Variants in C13orf42 observed in about 807,000 individuals in gnomAD.
C13orf42 encodes uncharacterized protein C13orf42.
rs570463367 is a variant in C13orf42, at chr13:51,159,116, T to C, written n.136+13137A>G. On this transcript the variant is annotated intron_variant and non_coding_transcript_variant, in intron 1 of 4. Coordinates refer to the C13orf42 transcript ENST00000433280. ...GCAGACTTTTGCCAGTTCTGAGTCA[T>C]TGTGTTTCATATGTTCCCCACCACC... 2.6e-5 allele frequency among the ~76,000 whole-genome samples: 4 copies of C among 152,284 alleles called. No individual in the cohort carries two copies. In the East Asian group the frequency reaches 5.8e-4, roughly 22 times the overall value.
chr13:51,096,291 G>A (rs1235034167), intron 1 of C13orf42, among the ~76,000 whole-genome samples: 1 of 152,092 alleles, frequency 6.6e-6, no homozygotes, highest in Non-Finnish European at 1.5e-5. Context: ...TTGTTAGGAT[G>A]GTGGTGAGAG....
intron 1 of C13orf42, among the ~76,000 whole-genome samples, chr13:51,117,749 T>G (rs1953503715): frequency 6.6e-6 from 1 of 152,220 alleles, no homozygotes; most frequent in East Asian, 1.9e-4. Flanking sequence ...TATTAGAGTA[T>G]CAGTTTGGCT....
At chr13:51,152,217 A>G (rs2138039352) in intron 1 of C13orf42, among the ~76,000 whole-genome samples, 1 of 152,216 alleles carries the variant, frequency 6.6e-6, no homozygotes, top group South Asian at 2.1e-4. Flanking sequence ...AGAACGGTGC[A>G]CTCCAGCTCT....
At chr13:51,087,744 C>T (rs909729431) in intron 2 of C13orf42, among the ~76,000 whole-genome samples, 184 bp downstream of exon 2, 12 of 152,174 alleles carry the variant, frequency 7.9e-5, no homozygotes, top group Non-Finnish European at 1.8e-4. Flanking sequence ...TAAGAGATCC[C>T]CACAGAGGAT....
intron 1 of C13orf42, among the ~76,000 whole-genome samples, chr13:51,150,548 A>G (rs1038391313): frequency 1.3e-5 from 2 of 152,224 alleles, no homozygotes; most frequent in Non-Finnish European, 2.9e-5. Context: ...TTCTGCGTAA[A>G]TTATATATAC....
chr13:51,110,718 T>C (rs1953418659), intron 1 of C13orf42, 78 bp downstream of exon 1: 2 of 397,432 alleles, frequency 5.0e-6, no homozygotes, highest in East Asian at 3.6e-5. Flanking sequence ...CATGCAGAGG[T>C]AGGAAGAAGC....
chr13:51,112,008 G>C (rs1426132330), upstream of C13orf42, among the ~76,000 whole-genome samples: 1 of 152,228 alleles, frequency 6.6e-6, no homozygotes, highest in Non-Finnish European at 1.5e-5. Flanking sequence ...CCACATTTGT[G>C]GGGCAGACAC....
intron 1 of C13orf42, among the ~76,000 whole-genome samples, chr13:51,146,317 C>T (rs1356794464): frequency 3.9e-5 from 6 of 152,194 alleles, no homozygotes; most frequent in Admixed American, 2.0e-4. Context: ...GGATTCCTTA[C>T]CCCTTTCTTC....
intron 1 of C13orf42, among the ~76,000 whole-genome samples, chr13:51,117,992 T>C (rs1400017314): frequency 6.6e-6 from 1 of 152,208 alleles, no homozygotes. Flanking sequence ...GAAAAGGCTT[T>C]GCACATTCCT....
At chr13:51,115,950 C>A (rs1284820614), upstream of C13orf42, among the ~76,000 whole-genome samples, 1 of 152,130 alleles carries the variant, frequency 6.6e-6, no homozygotes, top group Non-Finnish European at 1.5e-5. Context: ...AGCACAGTTC[C>A]CTGGGGAAAG....
At chr13:51,094,758 G>A (rs1392834460) in intron 1 of C13orf42, among the ~76,000 whole-genome samples, 1 of 152,156 alleles carries the variant, frequency 6.6e-6, no homozygotes, top group East Asian at 1.9e-4. Flanking sequence ...ATAGAACTCT[G>A]TTGATAAGTA....
chr13:51,100,171 T>TAA (rs1292935974), intron 1 of C13orf42, among the ~76,000 whole-genome samples: 2 of 150,392 alleles, frequency 1.3e-5, no homozygotes, highest in Admixed American at 1.3e-4. Context: ...TGGTTTTTTT[T>TAA]AAAAAAAAAG....
chr13:51,099,353 C>T (rs1042703027), intron 1 of C13orf42, among the ~76,000 whole-genome samples: 14 of 152,114 alleles, frequency 9.2e-5, no homozygotes, highest in African/African-American at 3.4e-4. Flanking sequence ...CACATAGCCA[C>T]ATACAAATTT....
intron 1 of C13orf42, among the ~76,000 whole-genome samples, chr13:51,162,640 C>T (rs1417481518): frequency 6.6e-6 from 1 of 152,182 alleles, no homozygotes; most frequent in African/African-American, 2.4e-5. Context: ...TGATATCTCT[C>T]TCCCTTCATT....
chr13:51,087,121 T>G (rs1184355582), intron 2 of C13orf42, among the ~76,000 whole-genome samples: 1 of 152,212 alleles, frequency 6.6e-6, no homozygotes, highest in East Asian at 1.9e-4. Flanking sequence ...AGTCAAAGAT[T>G]AAACAAACTG....
At chr13:51,109,551 C>T (rs560545917) in intron 1 of C13orf42, among the ~76,000 whole-genome samples, 1 of 151,968 alleles carries the variant, frequency 6.6e-6, no homozygotes, top group South Asian at 2.1e-4. Context: ...GAGTTTGAGA[C>T]CAGCCTGAGC....
At chr13:51,171,642 G>A (rs147201293) in intron 1 of C13orf42, among the ~76,000 whole-genome samples, 4,212 of 150,920 alleles carry the variant, frequency 0.028, 74 homozygotes, top group South Asian at 0.041. Context: ...ACACCTGGTC[G>A]GGCTTACAGT....
chr13:51,162,055 A>G (rs4941692), intron 1 of C13orf42: 78,719 of 341,846 alleles, frequency 0.23, 10,294 homozygotes, highest in Admixed American at 0.33. Flanking sequence ...ATGCTGCAGC[A>G]TCATTTGTCA....
intron 1 of C13orf42, among the ~76,000 whole-genome samples, chr13:51,122,598 A>T (rs1953545740): frequency 6.6e-6 from 1 of 152,136 alleles, no homozygotes; most frequent in African/African-American, 2.4e-5. Context: ...AAGCACTTAT[A>T]AGCTTAAAAA....
Sources: gnomAD v4.1 joint callset for allele counts (sites outside exome capture counted in the v4.1 genomes callset) on GRCh38, gnomAD v4.1.1 for gene constraint, MANE v1.5 for transcripts, NCBI Gene and HGNC (gene_info 2026-07-23, HGNC 2026-07-21) for gene names.